Variants in SRCIN1 observed in about 807,000 individuals in gnomAD.
SRCIN1 encodes the protein SRC kinase signaling inhibitor 1, also known as P130Cas-associated protein.
A neutral mutation model predicts 116.2 loss-of-function variants in SRCIN1; 50 were observed. The observed-to-expected ratio is 0.43, with a 90% confidence interval of 0.34 to 0.54. SRCIN1 has a LOEUF of 0.54. Among genes scored for constraint, SRCIN1 ranks in the 20% least tolerant of loss-of-function variants. SRCIN1 has a pLI of 0.02. For missense variants in SRCIN1, 1,446 were observed against 1,672.0 expected (o/e 0.86, Z 2.36); for synonymous variants, 736 against 750.0 (o/e 0.98, Z 0.30).
rs372864354 is a variant in SRCIN1, at chr17:38,552,721, C to T, written c.2332+4G>A. 2 of 1,613,788 alleles carry T rather than the reference C, an allele frequency of 1.2e-6. No homozygotes were observed. Among genetic ancestry groups the T allele is most frequent in the African/African-American group, 1.3e-5 (1 of 75,026 alleles). ...CGTGCTGCATTCGCAGGCCCCAGACCCACCCTTGAGCTCTGTCAGCGTCTC... is the reference window on the plus strand; with the variant it reads ...CGTGCTGCATTCGCAGGCCCCAGACTCACCCTTGAGCTCTGTCAGCGTCTC... On this transcript the variant is annotated splice_donor_region_variant and intron_variant, in intron 12 of 18. Coordinates refer to ENST00000617146, the MANE Select transcript of SRCIN1 (RefSeq NM_025248.3). The surrounding 1 kb of genome is among the most constrained non-coding windows in gnomAD (Gnocchi z 5.3).
intron 1 of SRCIN1, among the ~76,000 whole-genome samples, chr17:38,603,092 C>T (rs918171770): frequency 2.0e-5 from 3 of 152,162 alleles, no homozygotes; most frequent in Non-Finnish European, 2.9e-5. Context: ...TCTGACCACA[C>T]TGTCGATGCC....
intron 3 of SRCIN1, among the ~76,000 whole-genome samples, chr17:38,567,665 G>A (rs1906810585): frequency 6.6e-6 from 1 of 152,048 alleles, no homozygotes; most frequent in Non-Finnish European, 1.5e-5. Context: ...CCAGAGCTCA[G>A]GAGGAGGCAA....
In SRCIN1 at chr17:38,566,838, G is replaced by GTGTTT. The variant is rs71138632; in HGVS notation, c.345+1368_345+1372dup. Among the ~76,000 whole-genome samples, 576 of 147,574 alleles carry GTGTTT rather than the reference G, an allele frequency of 3.9e-3. 4 individuals carry two copies. The highest frequency in any genetic ancestry group is 0.018 in the South Asian group (85 of 4,642). On this transcript the variant is annotated intron_variant, in intron 3 of 18. Transcript: ENST00000617146. The stretch of plus-strand genomic sequence containing the variant: ...CACTGCCTGGAACATGCATCCTCTC[G>GTGTTT]TGTTTTGTTTTGTTTTGTTTTGTTT...
Position 38,530,299 on chromosome 17 carries a change from C to T in SRCIN1, c.*2998G>A, listed in dbSNP as rs1275200473. 1 of 152,116 alleles carries T rather than the reference C, an allele frequency of 6.6e-6. No homozygotes were observed. Among genetic ancestry groups the T allele is most frequent in the Non-Finnish European group, 1.5e-5 (1 of 68,048 alleles). The allele number at this position is 152,116 out of a possible 1,614,324, so 9.4% of individuals were successfully genotyped here. ...GCCGGGGCTCACCCCGGGGGGCCCC[C>T]TGGGGACCCCACTCAGAGCCTCAGG... On this transcript the variant is annotated 3_prime_UTR_variant, in exon 19 of 19. Transcript: ENST00000617146.
In SRCIN1 at chr17:38,560,469, G is replaced by A. The variant is rs73304424; in HGVS notation, c.1701-44C>T. On this transcript the variant is annotated intron_variant, in intron 7 of 18. Coordinates refer to ENST00000617146, the MANE Select transcript of SRCIN1 (RefSeq NM_025248.3). ...TGGGCAACCTCGCCTCTGAGCATAG[G>A]GTCTCTCCTGCCCAGCCCCCCATTC... The A allele has an allele frequency of 2.5e-5, 38 of 1,499,928 alleles. No individual in the cohort carries two copies. The African/African-American group carries it at 4.8e-4, about 19-fold the overall frequency. The allele number at this position is 1,499,928 out of a possible 1,614,324, so 92.9% of individuals were successfully genotyped here. A position where few individuals can be genotyped will look rare whatever the true frequency, so the allele number is the denominator to read the frequency against.
chr17:38,566,549 G>C (rs1443528061), intron 3 of SRCIN1, among the ~76,000 whole-genome samples: 1 of 152,252 alleles, frequency 6.6e-6, no homozygotes, highest in African/African-American at 2.4e-5. Flanking sequence ...CCTATCACCA[G>C]AGTGTTCCAG....
intron 18 of SRCIN1, among the ~76,000 whole-genome samples, chr17:38,540,681 A>C (rs1904675817): frequency 6.6e-6 from 1 of 152,050 alleles, no homozygotes; most frequent in African/African-American, 2.4e-5. Context: ...TGGGCCGCAC[A>C]TGAAGGATTT....
rs983056287 is a variant in SRCIN1 at position 38,531,742 on chromosome 17, C to T, written c.*1555G>A. 7 of 152,612 alleles carry T rather than the reference C, an allele frequency of 4.6e-5. No individual in the cohort carries two copies. Among genetic ancestry groups the T allele is most frequent in the African/African-American group, 1.7e-4 (7 of 41,514 alleles). 9.5% of individuals were successfully genotyped at this position (152,612 alleles called of 1,614,324 possible). A position where few individuals can be genotyped will look rare whatever the true frequency, so the allele number is the denominator to read the frequency against. On this transcript the variant is annotated 3_prime_UTR_variant, in exon 19 of 19. Transcript: ENST00000617146. ...AAACACAACCCGTTTCCCCTCCCCC[C>T]AAACCTTCAACAGCTCCCAGCTCTC...
At chr17:38,550,579 A>C (rs1447675826) in intron 15 of SRCIN1, among the ~76,000 whole-genome samples, 2 of 152,366 alleles carry the variant, frequency 1.3e-5, no homozygotes, top group African/African-American at 4.8e-5. Flanking sequence ...TCACAGAGTA[A>C]GTGCTTGATA....
chr17:38,586,761 G>A (rs184439457), intron 1 of SRCIN1, among the ~76,000 whole-genome samples: 12 of 152,350 alleles, frequency 7.9e-5, no homozygotes, highest in Admixed American at 7.8e-4. Flanking sequence ...ACAGCTTTGT[G>A]TAGGCAGAAA....
At position 38,559,632 on chromosome 17, in the gene SRCIN1, T is replaced by C; in HGVS notation, c.1978A>G (p.Ser660Gly). Residue 660 changes from serine to glycine, a missense_variant, in exon 10 of 19, where the codon AGC becomes GGC. Physicochemically the swap from Ser to Gly is moderately conservative, Grantham distance 56. This residue lies in a region of SRCIN1 where 398 missense variants were observed against 385.6 expected (regional missense o/e 1.03). Transcript: ENST00000617146. ...MQLHLRGLQN[S>G]ASDLRGQLQQ... ...AGCTGGCCGCGCAAGTCACTGGCGCTGTTCTGCAGGCCTCGCAGGTGAAGC... is the reference window on the plus strand; with the variant it reads ...AGCTGGCCGCGCAAGTCACTGGCGCCGTTCTGCAGGCCTCGCAGGTGAAGC... 1.2e-6 allele frequency: 2 copies of C among 1,603,164 alleles called. No homozygotes were observed. The highest frequency in any genetic ancestry group is 1.7e-6 in the Non-Finnish European group (2 of 1,179,464).
intron 2 of SRCIN1, among the ~76,000 whole-genome samples, chr17:38,573,581 C>G (rs1907228236): frequency 6.6e-6 from 1 of 152,200 alleles, no homozygotes; most frequent in African/African-American, 2.4e-5. Flanking sequence ...CCAGCTCCCC[C>G]AAGCCCCTGA....
rs1907573626 is a variant in SRCIN1 at position 38,578,521 on chromosome 17, A to T, written c.293T>A (p.Leu98Gln). The T allele has an allele frequency of 1.9e-6, 3 of 1,592,642 alleles. No homozygotes were observed. In the East Asian group the frequency reaches 6.8e-5, roughly 36 times the overall value. ...TCGCATCCTGTCCTGCTGGCCTCGC[A>T]GGGCCAGGGCGTGCTGTGGGTACTT... ...KSKYPQHALA[L>Q]RGQQDRMREQ... Residue 98 changes from leucine to glutamine, a missense_variant, in exon 2 of 19, where the codon CTG becomes CAG. Transcript: ENST00000617146.
Position 38,550,222 on chromosome 17 carries a change from T to C in SRCIN1, c.2962+933A>G, listed in dbSNP as rs148402568. On this transcript the variant is annotated intron_variant, in intron 15 of 18. Coordinates refer to ENST00000617146, the MANE Select transcript of SRCIN1 (RefSeq NM_025248.3). ...ACAATTATAAGGATGAGGCCAGGCG[T>C]GGTGGCTCAAGTCTGTAATCCCAGC... Among the ~76,000 whole-genome samples, 174 of 152,242 alleles carry C rather than the reference T, an allele frequency of 1.1e-3. 1 individual carries two copies. Among genetic ancestry groups the C allele is most frequent in the Non-Finnish European group, 2.1e-3 (143 of 68,014 alleles).
chr17:38,557,981 T>C (rs1024293644), intron 11 of SRCIN1, among the ~76,000 whole-genome samples: 2 of 152,022 alleles, frequency 1.3e-5, no homozygotes, highest in African/African-American at 4.8e-5. Context: ...GTGTGGATCA[T>C]TATGAAGCAA....
intron 3 of SRCIN1, 32 bp from the exon 4 acceptor site, chr17:38,564,345 AG>A (rs765115968): frequency 3.0e-5 from 44 of 1,485,572 alleles, no homozygotes; most frequent in Non-Finnish European, 3.7e-5. Flanking sequence ...AGAGGAACCA[AG>A]GATGAGCACC....
intron 11 of SRCIN1, among the ~76,000 whole-genome samples, chr17:38,556,025 G>A (rs1214138969): frequency 6.6e-6 from 1 of 152,180 alleles, no homozygotes; most frequent in Non-Finnish European, 1.5e-5. Flanking sequence ...AAGTTGGGGG[G>A]CCTCTAACCT....
At chr17:38,548,846 CA>C (rs1345093559) in intron 16 of SRCIN1, 137 bp from the exon 17 acceptor site, 2 of 1,323,662 alleles carry the variant, frequency 1.5e-6, no homozygotes, top group Non-Finnish European at 2.0e-6. Flanking sequence ...GGGTGTCCCT[CA>C]ACAGACAGGG....
intron 11 of SRCIN1, among the ~76,000 whole-genome samples, chr17:38,553,389 G>A (rs1185812152): frequency 6.6e-6 from 1 of 152,248 alleles, no homozygotes; most frequent in Non-Finnish European, 1.5e-5. Flanking sequence ...CCCCTTGGAA[G>A]CTCTGACCCT....
Sources: allele counts gnomAD v4.1 joint callset (sites outside exome capture counted in the v4.1 genomes callset), GRCh38; gene constraint gnomAD v4.1.1; regional missense constraint gnomAD v4.1.1; non-coding constraint Gnocchi (gnomAD v3.1); transcripts MANE v1.5; gene names NCBI Gene and HGNC (gene_info 2026-07-23, HGNC 2026-07-21).